Variants in TENM3 observed in about 807,000 individuals in gnomAD.
TENM3 encodes the protein teneurin transmembrane protein 3.
A neutral mutation model predicts 255.1 loss-of-function variants in TENM3; 63 were observed. The ratio of observed to expected loss-of-function variants is 0.25; its 90% CI spans 0.20 to 0.30. The LOEUF is 0.30. Ranked by LOEUF, TENM3 falls within the 10% of genes least tolerant of loss-of-function variation. TENM3 has a pLI of 1.00. For synonymous variants in TENM3, 1,306 were observed against 1,322.3 expected (o/e 0.99, Z 0.27); for missense variants, 2,929 against 3,461.1 (o/e 0.85, Z 3.86).
At chr4:181,539,660 C>A in the TENM3 span, among the ~76,000 whole-genome samples, 1 of 152,058 alleles carries the variant, frequency 6.6e-6, no homozygotes, top group East Asian at 1.9e-4. Context: ...TAGAAGTAGG[C>A]AAATAATTGA....
the TENM3 span, among the ~76,000 whole-genome samples, chr4:181,457,865 G>A: frequency 6.6e-6 from 1 of 151,854 alleles, no homozygotes; most frequent in Admixed American, 6.6e-5. Flanking sequence ...CCAGATTCTA[G>A]GTGTGAATTT....
intron 1 of TENM3, among the ~76,000 whole-genome samples, chr4:182,201,347 C>A (rs1222870940): frequency 6.6e-6 from 1 of 152,074 alleles, no homozygotes; most frequent in Non-Finnish European, 1.5e-5. Context: ...TCACTGATAA[C>A]AGTGGAGCTG....
the TENM3 span, among the ~76,000 whole-genome samples, chr4:181,503,541 C>A: frequency 2.0e-5 from 3 of 152,146 alleles, no homozygotes; most frequent in African/African-American, 4.8e-5. Flanking sequence ...ATCTTGAAAG[C>A]AAGTTATGTG....
the TENM3 span, among the ~76,000 whole-genome samples, chr4:182,129,199 A>G: frequency 6.6e-6 from 1 of 152,250 alleles, no homozygotes; most frequent in African/African-American, 2.4e-5. Context: ...AGTCACAAAC[A>G]GCAGTCAGCA....
At chr4:182,009,527 G>A in the TENM3 span, among the ~76,000 whole-genome samples, 2 of 152,188 alleles carry the variant, frequency 1.3e-5, no homozygotes, top group Admixed American at 6.5e-5. Context: ...CAGCCCGTGC[G>A]TTGGGCTGTG....
At chr4:182,660,141 T>A (rs1405691331) in intron 6 of TENM3, among the ~76,000 whole-genome samples, 1 of 152,226 alleles carries the variant, frequency 6.6e-6, no homozygotes, top group African/African-American at 2.4e-5. Context: ...TTGTCACTAT[T>A]ACTATTTAAT....
At chr4:182,659,603 T>C (rs1187204504) in intron 6 of TENM3, among the ~76,000 whole-genome samples, 2 of 152,080 alleles carry the variant, frequency 1.3e-5, no homozygotes, top group Non-Finnish European at 2.9e-5. Flanking sequence ...GCTTCTACTC[T>C]CTCATCTCCC....
chr4:182,619,850 G>A (rs1043774944), intron 4 of TENM3, among the ~76,000 whole-genome samples: 1 of 152,204 alleles, frequency 6.6e-6, no homozygotes, highest in African/African-American at 2.4e-5. Context: ...CTGGAGGCAG[G>A]CTCCGTGCAG....
chr4:182,193,152 A>G (rs1267471639), intron 1 of TENM3, among the ~76,000 whole-genome samples: 1 of 152,180 alleles, frequency 6.6e-6, no homozygotes, highest in Admixed American at 6.5e-5. Flanking sequence ...AATTTGAGGA[A>G]CCTAGGAGGA....
intron 1 of TENM3, among the ~76,000 whole-genome samples, chr4:182,150,251 G>T (rs1561140508): frequency 6.6e-6 from 1 of 151,782 alleles, no homozygotes; most frequent in Non-Finnish European, 1.5e-5. Context: ...GTAAGAGAAA[G>T]AGAGAGAAAG....
the TENM3 span, among the ~76,000 whole-genome samples, chr4:181,647,812 A>G: frequency 6.6e-6 from 1 of 152,186 alleles, no homozygotes; most frequent in Non-Finnish European, 1.5e-5. Flanking sequence ...GAAGGCGCTC[A>G]GGGAAACCGA....
At chr4:181,565,007 A>G in the TENM3 span, among the ~76,000 whole-genome samples, 17,684 of 152,184 alleles carry the variant, frequency 0.12, 1,142 homozygotes, top group South Asian at 0.2. Context: ...GGACCTCCAA[A>G]TCCCCAGATA....
the TENM3 span, among the ~76,000 whole-genome samples, chr4:181,458,266 T>A: frequency 6.6e-6 from 1 of 152,000 alleles, no homozygotes; most frequent in African/African-American, 2.4e-5. Context: ...AGAATATTAC[T>A]GCTCATCAGA....
At chr4:182,778,197 A>G (rs1271687534) in intron 24 of TENM3, among the ~76,000 whole-genome samples, 3 of 152,162 alleles carry the variant, frequency 2.0e-5, no homozygotes, top group African/African-American at 7.2e-5. Context: ...AAAAATTGTC[A>G]TGGTGTTCTA....
the TENM3 span, among the ~76,000 whole-genome samples, chr4:181,702,146 G>C: frequency 6.6e-6 from 1 of 152,184 alleles, no homozygotes; most frequent in Non-Finnish European, 1.5e-5. Flanking sequence ...AAATAGAAGT[G>C]AGTTTCAGAT....
At chr4:181,678,824 C>A in the TENM3 span, among the ~76,000 whole-genome samples, 1 of 120,606 alleles carries the variant, frequency 8.3e-6, no homozygotes, top group African/African-American at 3.0e-5. Context: ...TGAAAAGCTT[C>A]CCAAGAATGT....
chr4:181,917,987 C>T, the TENM3 span, among the ~76,000 whole-genome samples: 1 of 152,036 alleles, frequency 6.6e-6, no homozygotes, highest in South Asian at 2.1e-4. Context: ...TAACCAACTC[C>T]TTAATTTTGT....
the TENM3 span, among the ~76,000 whole-genome samples, chr4:181,900,102 G>C: frequency 1.3e-5 from 2 of 151,992 alleles, no homozygotes; most frequent in African/African-American, 4.8e-5. Context: ...CTTCATCACA[G>C]CCCAAATATG....
the TENM3 span, among the ~76,000 whole-genome samples, chr4:181,634,198 C>T: frequency 1.1e-3 from 168 of 152,236 alleles, 1 homozygote; most frequent in Non-Finnish European, 2.0e-3. Flanking sequence ...GTAAATTTCC[C>T]TTTTATCGTT....
Sources: allele counts gnomAD v4.1 joint callset (sites outside exome capture counted in the v4.1 genomes callset), GRCh38; gene constraint gnomAD v4.1.1; transcripts MANE v1.5; gene names NCBI Gene and HGNC (gene_info 2026-07-23, HGNC 2026-07-21).